Variants in KALRN observed in about 807,000 individuals in gnomAD.
The protein encoded by KALRN is kalirin.
KALRN carries 70 observed loss-of-function variants against 353.7 expected under a neutral mutation model. That is an observed-to-expected ratio of 0.20 (90% CI 0.16 to 0.24). The LOEUF is 0.24. Among genes scored for constraint, KALRN ranks in the 10% least tolerant of loss-of-function variants. The pLI is 1.00. For synonymous variants in KALRN, 1,391 were observed against 1,434.8 expected, an observed-to-expected ratio of 0.97 and a Z score of 0.69; for missense variants, 2,791 against 3,756.7, an observed-to-expected ratio of 0.74 and a Z score of 6.72.
intron 1 of KALRN, among the ~76,000 whole-genome samples, chr3:124,053,078 A>G (rs1327041509): frequency 6.6e-6 from 1 of 152,164 alleles, no homozygotes; most frequent in Non-Finnish European, 1.5e-5. Context: ...ACTGTATCAC[A>G]CAGGCTGGAG....
chr3:124,462,314 T>C (rs1215712804), intron 24 of KALRN, among the ~76,000 whole-genome samples: 1 of 152,222 alleles, frequency 6.6e-6, no homozygotes, highest in Admixed American at 6.5e-5. Flanking sequence ...GACAAGAGAC[T>C]GTGGAGTTTG....
At chr3:124,234,480 A>T (rs2079524880) in intron 2 of KALRN, among the ~76,000 whole-genome samples, 1 of 152,188 alleles carries the variant, frequency 6.6e-6, no homozygotes, top group Non-Finnish European at 1.5e-5. Flanking sequence ...TCTCAATAAG[A>T]ACAGTTATCA....
chr3:124,186,950 G>T (rs2074304157), intron 1 of KALRN, among the ~76,000 whole-genome samples: 1 of 152,186 alleles, frequency 6.6e-6, no homozygotes, highest in Non-Finnish European at 1.5e-5. Flanking sequence ...AATTATGCAG[G>T]TGATTTATTT....
intron 10 of KALRN, among the ~76,000 whole-genome samples, chr3:124,377,774 T>C (rs775795437): frequency 6.6e-6 from 1 of 152,228 alleles, no homozygotes; most frequent in Non-Finnish European, 1.5e-5. Flanking sequence ...ATTGACCCCT[T>C]GATCATTATC....
chr3:124,601,577 A>G (rs540052429), intron 34 of KALRN, among the ~76,000 whole-genome samples: 3 of 152,198 alleles, frequency 2.0e-5, no homozygotes, highest in Admixed American at 1.3e-4. Context: ...TTCTTAAGTA[A>G]TTCTTCAACC....
At chr3:124,286,082 C>CTTT (rs1553893894) in intron 5 of KALRN, among the ~76,000 whole-genome samples, 11,238 of 102,122 alleles carry the variant, frequency 0.11, 803 homozygotes, top group East Asian at 0.14. Context: ...TTCTTTCCTT[C>CTTT]CTTTCTTTCT....
rs529419938 is a variant in KALRN, at chr3:124,239,136, C to T, written c.263+4193C>T. 1.8e-4 allele frequency among the ~76,000 whole-genome samples: 28 copies of T among 152,062 alleles called. No individual in the cohort carries two copies. In the East Asian group the frequency reaches 2.9e-3, roughly 16 times the overall value. On this transcript the variant is annotated intron_variant, in intron 3 of 59. Coordinates refer to ENST00000682506, the MANE Select transcript of KALRN (RefSeq NM_001388419.1). The stretch of plus-strand genomic sequence containing the variant: ...TGCTGTCTGCTTACAGTTACTTGTA[C>T]GTGAAAGGAGTGGAAAGAAAATACT...
At chr3:124,690,513 G>A (rs2061758175) in intron 51 of KALRN, among the ~76,000 whole-genome samples, 2 of 152,156 alleles carry the variant, frequency 1.3e-5, no homozygotes, top group South Asian at 4.1e-4. Flanking sequence ...TAGATAGAGA[G>A]GTGGAGAGCA....
At chr3:124,493,275 C>G (rs1434524150) in intron 32 of KALRN, among the ~76,000 whole-genome samples, 2 of 152,198 alleles carry the variant, frequency 1.3e-5, no homozygotes, top group African/African-American at 4.8e-5. Context: ...GAGGAACTCT[C>G]TGGACTGGTT....
rs751565584 is a variant in KALRN at position 124,723,312 on chromosome 3, T to C, written c.*3842T>C. ...AATATAGGGGTGGGACCAGGAATGT[T>C]TGAGTTTCAATCTCAGCTATTCCTG... On this transcript the variant is annotated 3_prime_UTR_variant, in exon 60 of 60. Coordinates refer to ENST00000682506, the MANE Select transcript of KALRN (RefSeq NM_001388419.1). 2.6e-5 allele frequency: 4 copies of C among 152,222 alleles called. No individual in the cohort carries two copies. Among genetic ancestry groups the C allele is most frequent in the African/African-American group, 9.6e-5 (4 of 41,464 alleles). 9.4% of individuals were successfully genotyped at this position (152,222 alleles called of 1,614,324 possible).
intron 17 of KALRN, among the ~76,000 whole-genome samples, chr3:124,436,501 C>T (rs1044164486): frequency 3.5e-4 from 53 of 152,210 alleles, no homozygotes; most frequent in Non-Finnish European, 6.5e-4. Flanking sequence ...AGAGATGGGA[C>T]TAGAGAAGTC....
intron 33 of KALRN, among the ~76,000 whole-genome samples, chr3:124,522,776 A>C (rs2067270566): frequency 6.6e-6 from 1 of 152,222 alleles, no homozygotes; most frequent in African/African-American, 2.4e-5. Context: ...GGTTCCTGTT[A>C]AAATGAAGCT....
intron 23 of KALRN, among the ~76,000 whole-genome samples, chr3:124,461,505 G>A (rs2059856920): frequency 6.6e-6 from 1 of 152,132 alleles, no homozygotes; most frequent in Admixed American, 6.5e-5. Context: ...TAGGAGAAAT[G>A]TGGAAAGCTG....
chr3:124,701,009 G>A (rs2062298963), intron 56 of KALRN, among the ~76,000 whole-genome samples: 1 of 152,248 alleles, frequency 6.6e-6, no homozygotes, highest in Admixed American at 6.5e-5. Flanking sequence ...TTCAGTCTCA[G>A]CCAGGCTGTG....
chr3:124,605,731 G>A (rs549835628), intron 34 of KALRN, among the ~76,000 whole-genome samples: 1 of 152,210 alleles, frequency 6.6e-6, no homozygotes, highest in South Asian at 2.1e-4. Context: ...TGATTATAGA[G>A]CTTTAGTACT....
At chr3:124,614,456 C>T (rs776482789) in intron 34 of KALRN, among the ~76,000 whole-genome samples, 89 of 151,614 alleles carry the variant, frequency 5.9e-4, no homozygotes, top group Admixed American at 1.2e-3. Context: ...AACAGAGTTT[C>T]GCCATGTTGC....
intron 19 of KALRN, among the ~76,000 whole-genome samples, chr3:124,442,968 G>T (rs1488712763): frequency 1.3e-5 from 2 of 151,916 alleles, no homozygotes; most frequent in Non-Finnish European, 2.9e-5. Flanking sequence ...GGGCAATAGA[G>T]TGAGACGCTG....
chr3:124,667,492 C>T (rs11713231), intron 47 of KALRN, among the ~76,000 whole-genome samples: 4,239 of 152,270 alleles, frequency 0.028, 80 homozygotes, highest in East Asian at 0.079. Context: ...ATAGGCACAT[C>T]CTCTGTGTCT....
At chr3:124,039,230 C>T (rs2149067408) in intron 1 of KALRN, among the ~76,000 whole-genome samples, 1 of 152,344 alleles carries the variant, frequency 6.6e-6, no homozygotes, top group Admixed American at 6.5e-5. Context: ...CACCCCGGCA[C>T]CCTCCAAATC....
Sources: gnomAD v4.1 joint callset for allele counts (sites outside exome capture counted in the v4.1 genomes callset) on GRCh38, gnomAD v4.1.1 for gene constraint, MANE v1.5 for transcripts, NCBI Gene and HGNC (gene_info 2026-07-23, HGNC 2026-07-21) for gene names.